Variants in PIGB observed in about 807,000 individuals in gnomAD.
PIGB encodes GPI alpha-1,2-mannosyltransferase 3.
Under a neutral mutation model 68.4 loss-of-function variants are expected in PIGB, and 58 were observed. The ratio of observed to expected loss-of-function variants is 0.85; its 90% confidence interval spans 0.69 to 1.06. PIGB has a LOEUF of 1.06. Among genes scored for constraint, PIGB ranks in the 50% least tolerant of loss-of-function variants. PIGB has a pLI of 0.00. For missense variants in PIGB, 634 were observed against 655.8 expected, an observed-to-expected ratio of 0.97 and a Z score of 0.36; for synonymous variants, 219 against 220.5, an observed-to-expected ratio of 0.99 and a Z score of 0.06.
chr15:55,355,435 T>G lies in PIGB; in HGVS notation c.*3T>G. The G allele has an allele frequency of 6.2e-7, 1 of 1,600,594 alleles. No homozygotes were observed. The highest frequency in any genetic ancestry group is 8.5e-7 in the Non-Finnish European group (1 of 1,173,786). On this transcript the variant is annotated 3_prime_UTR_variant, in exon 12 of 12. Transcript: ENST00000164305. ...TCAACATGAAGATGAAATTCTGAAC[T>G]TTCCTAGATAAATTAACATTGCTGG...
chr15:55,319,340 C>T lies in PIGB; in HGVS notation c.90C>T (p.Gly30=), dbSNP rs1278664966. Residue 30 remains glycine, a synonymous_variant, in exon 1 of 12, where the codon GGC becomes GGT. Coordinates refer to ENST00000164305, the MANE Select transcript of PIGB (RefSeq NM_004855.5). ...ATGGTCTCCAGAACCGCTCCCACGG[C>T]AAGATAAAGCTGCGAAAGAGAAAGT... ...TLHGLQNRSH[G]KIKLRKRKST... 1.3e-6 allele frequency: 2 copies of T among 1,578,308 alleles called. No individual in the cohort carries two copies. Among genetic ancestry groups the T allele is most frequent in the East Asian group, 2.3e-5 (1 of 43,506 alleles).
chr15:55,322,207 C>T (rs2055184851), intron 3 of PIGB, among the ~76,000 whole-genome samples: 1 of 151,864 alleles, frequency 6.6e-6, no homozygotes, highest in East Asian at 2.0e-4. Context: ...CACTTGAGAG[C>T]ACCGTTGTAT....
At chr15:55,323,331 G>A (rs2055208334) in intron 3 of PIGB, among the ~76,000 whole-genome samples, 1 of 152,130 alleles carries the variant, frequency 6.6e-6, no homozygotes, top group African/African-American at 2.4e-5. Context: ...ACTGCATAAG[G>A]CTTATGCACA....
chr15:55,346,387 G>A (rs377028962), intron 9 of PIGB: 5 of 152,244 alleles, frequency 3.3e-5, no homozygotes, highest in Middle Eastern at 3.4e-3. Context: ...AATAAATGCC[G>A]ATGGTACAAA....
At position 55,350,809 on chromosome 15, in the gene PIGB, C is replaced by G. The variant is rs1408087007; in HGVS notation, c.1234C>G (p.Leu412Val). 21 of 1,605,238 alleles carry G rather than the reference C, an allele frequency of 1.3e-5. No homozygotes were observed. Among genetic ancestry groups the G allele is most frequent in the Non-Finnish European group, 1.8e-5 (21 of 1,172,204 alleles). The change falls in exon 10 of 12, where the codon CTT becomes GTT. Residue 412 changes from leucine (L) to valine (V), a missense_variant. Transcript: ENST00000164305. Reference sequence around the variant, plus strand: ...TGGTTTAGTTCATCAACGAGGTACTCTTGATGTCATGAGTCATATTCAAAA... The same window carrying G: ...TGGTTTAGTTCATCAACGAGGTACTGTTGATGTCATGAGTCATATTCAAAA... The part of the protein sequence containing the change: ...YTGLVHQRGT[L>V]DVMSHIQKVC...
chr15:55,337,701 C>T (rs28680176), intron 6 of PIGB, among the ~76,000 whole-genome samples: 47,892 of 151,946 alleles, frequency 0.32, 8,400 homozygotes, highest in East Asian at 0.56. Context: ...CAGAAATGCA[C>T]ATATATGGAT....
chr15:55,353,789 G>C (rs2055987786), intron 10 of PIGB, among the ~76,000 whole-genome samples: 1 of 151,898 alleles, frequency 6.6e-6, no homozygotes, highest in African/African-American at 2.4e-5. Flanking sequence ...ACTTTTAGTA[G>C]ATACAGGGTT....
At chr15:55,322,551 T>A (rs2141162858) in intron 3 of PIGB, among the ~76,000 whole-genome samples, 1 of 152,156 alleles carries the variant, frequency 6.6e-6, no homozygotes, top group East Asian at 1.9e-4. Flanking sequence ...CCGATTTCTG[T>A]CAGTGGGGGT....
At chr15:55,325,253 G>T (rs1185837477) in intron 3 of PIGB, among the ~76,000 whole-genome samples, 2 of 152,080 alleles carry the variant, frequency 1.3e-5, no homozygotes, top group East Asian at 3.9e-4. Context: ...TTGAACTTGG[G>T]AGGTGGAGGT....
chr15:55,330,842 C>G (rs1322575320), intron 5 of PIGB, among the ~76,000 whole-genome samples: 1 of 152,128 alleles, frequency 6.6e-6, no homozygotes, highest in Non-Finnish European at 1.5e-5. Flanking sequence ...CAAATAAGAT[C>G]ATTTCTGTCT....
chr15:55,335,579 G>T (rs980714188), intron 6 of PIGB, among the ~76,000 whole-genome samples: 1 of 152,144 alleles, frequency 6.6e-6, no homozygotes, highest in African/African-American at 2.4e-5. Context: ...AAAAATAATT[G>T]TGGGATAAGA....
chr15:55,343,116 A>G (rs1433888121), intron 9 of PIGB: 1 of 152,204 alleles, frequency 6.6e-6, no homozygotes, highest in Non-Finnish European at 1.5e-5. Context: ...AATCTCTTCA[A>G]TTTAAGAAGA....
At chr15:55,350,017 T>G (rs1460066949) in intron 9 of PIGB, 1 of 152,194 alleles carries the variant, frequency 6.6e-6, no homozygotes, top group East Asian at 1.9e-4. Flanking sequence ...ACTTGGTTTT[T>G]TCCTTTGGTT....
chr15:55,340,130 T>A (rs1001717381), intron 7 of PIGB: 7 of 151,804 alleles, frequency 4.6e-5, no homozygotes, highest in Admixed American at 4.6e-4. Flanking sequence ...GAAGAAAAAA[T>A]AACAGTTAAG....
Position 55,352,513 on chromosome 15 carries a change from G to T in PIGB, c.1337+1601G>T, listed in dbSNP as rs796809506. ...CAGAAAATTATATACCAGGCTGGGC[G>T]TTGTGGCTCACGCCTGTAATCCTAG... is the stretch of plus-strand genomic sequence containing the variant. On this transcript the variant is annotated intron_variant, in intron 10 of 11. Transcript: ENST00000164305. Among the ~76,000 whole-genome samples, 14 of 152,274 alleles carry T rather than the reference G, an allele frequency of 9.2e-5. 1 individual carries two copies. Among genetic ancestry groups the T allele is most frequent in the African/African-American group, 3.4e-4 (14 of 41,566 alleles).
chr15:55,350,980 G>T, intron 10 of PIGB, 68 bp downstream of exon 10: 1 of 770,124 alleles, frequency 1.3e-6, no homozygotes, highest in South Asian at 1.8e-5. Context: ...TTCCCTTTCA[G>T]ATTCCTGGAT....
chr15:55,355,295 G>A lies in PIGB; in HGVS notation c.1528G>A (p.Ala510Thr), dbSNP rs781259075. 1.7e-5 allele frequency: 27 copies of A among 1,605,892 alleles called. No homozygotes were observed. The highest frequency in any genetic ancestry group is 2.0e-5 in the Non-Finnish European group (24 of 1,175,152). Residue 510 changes from alanine to threonine, a missense_variant, in exon 12 of 12, where the codon GCT becomes ACT. Physicochemically the swap from Ala to Thr is moderately conservative, Grantham distance 58. Coordinates refer to ENST00000164305, the MANE Select transcript of PIGB (RefSeq NM_004855.5). ...TFSILEEEIS[A>T]FLISSNYKRT... is the part of the protein sequence containing the mutation. ...ATTTATTTGCTTCTAGGAAATAAGC[G>A]CTTTCCTAATTTCAAGCAATTATAA...
Position 55,340,782 on chromosome 15 carries a change from G to T in PIGB, c.1017G>T (p.Arg339=), listed in dbSNP as rs770319195. Residue 339 remains arginine, a synonymous_variant, in exon 8 of 12, where the codon CGG becomes CGT. Coordinates refer to ENST00000164305, the MANE Select transcript of PIGB (RefSeq NM_004855.5). Reference sequence around the variant, plus strand: ...GCTATCTAGCACCAAAGAGATACCGGATACTTTTGGTGACTGTGCTGTGGA... The same window carrying T: ...GCTATCTAGCACCAAAGAGATACCGTATACTTTTGGTGACTGTGCTGTGGA... ...HGCYLAPKRY[R]ILLVTVLWTL... is the part of the protein sequence containing the mutation. 1.2e-6 allele frequency: 2 copies of T among 1,610,352 alleles called. No homozygotes were observed. The highest frequency in any genetic ancestry group is 2.2e-5 in the South Asian group (2 of 90,316).
intron 3 of PIGB, among the ~76,000 whole-genome samples, chr15:55,322,245 C>T (rs1480769813): frequency 6.6e-6 from 1 of 151,992 alleles, no homozygotes; most frequent in African/African-American, 2.4e-5. Context: ...GTAAGAAGAC[C>T]GTGTGATATG....
Sources: gnomAD v4.1 joint callset for allele counts (sites outside exome capture counted in the v4.1 genomes callset) on GRCh38, gnomAD v4.1.1 for gene constraint, MANE v1.5 for transcripts, NCBI Gene and HGNC (gene_info 2026-07-23, HGNC 2026-07-21) for gene names.